Variants in VPS53 observed in about 807,000 individuals in gnomAD.
The protein encoded by VPS53 is vacuolar protein sorting-associated protein 53 homolog.
A neutral mutation model predicts 107.0 loss-of-function variants in VPS53; 70 were observed. The ratio of observed to expected loss-of-function variants is 0.65; its 90% confidence interval spans 0.54 to 0.80. The LOEUF (loss-of-function observed/expected upper bound fraction) is 0.80. VPS53 is among the 30% of genes least tolerant of loss of function. The probability of loss-of-function intolerance (pLI) is 0.00; values close to 1 mark genes in which losing one functional copy is unlikely to be tolerated. For synonymous variants in VPS53, 409 were observed against 393.3 expected (o/e 1.04, Z -0.47); for missense variants, 917 against 1,049.4 (o/e 0.87, Z 1.74).
rs1435685186 is a variant in VPS53, at chr17:582,512, A to G, written c.1313+3758T>C. Among the ~76,000 whole-genome samples, 7 of 148,362 alleles carry G rather than the reference A, an allele frequency of 4.7e-5. 1 individual carries two copies. Among genetic ancestry groups the G allele is most frequent in the African/African-American group, 9.8e-5 (4 of 40,926 alleles). On this transcript the variant is annotated intron_variant, in intron 13 of 21. Coordinates refer to ENST00000437048, the MANE Select transcript of VPS53 (RefSeq NM_001128159.3). ...CCCAGAGAACATCACTCAGGACCCAATGTGTTCCCAGAGAACCTCCACAGA... is the reference window on the plus strand; with the variant it reads ...CCCAGAGAACATCACTCAGGACCCAGTGTGTTCCCAGAGAACCTCCACAGA...
chr17:541,072 A>T (rs896168587), intron 17 of VPS53, among the ~76,000 whole-genome samples: 3 of 152,222 alleles, frequency 2.0e-5, no homozygotes, highest in African/African-American at 7.2e-5. Context: ...AGAGACACAG[A>T]GCATAGACTC....
intron 8 of VPS53, 90 bp downstream of exon 8, chr17:631,460 T>C: frequency 1.5e-6 from 2 of 1,372,856 alleles, no homozygotes; most frequent in South Asian, 1.2e-5. Context: ...CGAGCATGAC[T>C]GGAATGATAA....
At chr17:565,561 A>G (rs1315964640) in intron 13 of VPS53, among the ~76,000 whole-genome samples, 1 of 152,068 alleles carries the variant, frequency 6.6e-6, no homozygotes, top group East Asian at 1.9e-4. Flanking sequence ...TGACCTCGGA[A>G]AGCTTCATGG....
At chr17:544,997 C>G (rs891294028) in intron 17 of VPS53, among the ~76,000 whole-genome samples, 4 of 152,128 alleles carry the variant, frequency 2.6e-5, no homozygotes, top group African/African-American at 7.2e-5. Flanking sequence ...GAGAGGATCA[C>G]TGGAACCCAG....
intron 11 of VPS53, among the ~76,000 whole-genome samples, chr17:605,962 T>C (rs1968554767): frequency 6.6e-6 from 1 of 151,794 alleles, no homozygotes; most frequent in Admixed American, 6.6e-5. Context: ...AATATTCCAC[T>C]GCTGTAGGGG....
At chr17:634,693 G>A (rs1012346626) in intron 7 of VPS53, among the ~76,000 whole-genome samples, 2 of 151,854 alleles carry the variant, frequency 1.3e-5, no homozygotes, top group Non-Finnish European at 2.9e-5. Context: ...ATGGTTTCCA[G>A]CTTCATCTGT....
chr17:631,285 T>G lies in VPS53; in HGVS notation c.687+265A>C, dbSNP rs2002015. Among the ~76,000 whole-genome samples the G allele has an allele frequency of 0.53, 79,887 of 150,722 alleles. 21,844 individuals carry two copies. The highest frequency in any genetic ancestry group is 0.59 in the Non-Finnish European group (40,183 of 67,742). On this transcript the variant is annotated intron_variant, in intron 8 of 21. Transcript: ENST00000437048. ...TGAGAAAAAAGGAATTGACAGGGCA[T>G]ACAAGATAGACGGTTTGAGACCTAC...
At chr17:695,283 T>C (rs1021459838) in intron 4 of VPS53, among the ~76,000 whole-genome samples, 5 of 152,218 alleles carry the variant, frequency 3.3e-5, no homozygotes, top group Non-Finnish European at 7.3e-5. Context: ...TTCAAAATTC[T>C]GATTCCTTGG....
chr17:565,295 C>G (rs957316496), intron 13 of VPS53, among the ~76,000 whole-genome samples: 1 of 148,104 alleles, frequency 6.8e-6, no homozygotes, highest in Admixed American at 6.8e-5. Context: ...CCCAGCTACT[C>G]GGGAGGCTGA....
chr17:627,108 T>C (rs1969744746), intron 10 of VPS53, 66 bp downstream of exon 10: 1 of 1,562,602 alleles, frequency 6.4e-7, no homozygotes, highest in Admixed American at 1.8e-5. Flanking sequence ...ATGGAACCAT[T>C]AGAGACTGGG....
chr17:549,215 T>G (rs917216106), intron 17 of VPS53, among the ~76,000 whole-genome samples: 1 of 152,222 alleles, frequency 6.6e-6, no homozygotes, highest in Non-Finnish European at 1.5e-5. Flanking sequence ...CACAAAAGTT[T>G]TTTTAAATCC....
rs752241629 is a variant in VPS53, at chr17:551,862, A to G, written c.1866+10T>C. The G allele has an allele frequency of 1.1e-5, 18 of 1,588,430 alleles. 1 individual carries two copies. The highest frequency in any genetic ancestry group is 6.8e-5 in the East Asian group (3 of 44,078). On this transcript the variant is annotated intron_variant, in intron 17 of 21. Transcript: ENST00000437048. ...GTTAGTTTGTAGGATGCCATTTCCC[A>G]AGACCTTACCTTGCTCATGGCAGTC...
chr17:617,815 C>T (rs1235098292), intron 11 of VPS53, among the ~76,000 whole-genome samples: 1 of 117,946 alleles, frequency 8.5e-6, no homozygotes, highest in Non-Finnish European at 1.8e-5. Flanking sequence ...CCACGCCCCA[C>T]TAATATTTCC....
intron 19 of VPS53, among the ~76,000 whole-genome samples, chr17:530,496 A>C (rs1243869291): frequency 6.6e-6 from 1 of 152,056 alleles, no homozygotes; most frequent in Non-Finnish European, 1.5e-5. Context: ...ATCCTTTTAG[A>C]TTTATTACTC....
At chr17:593,501 C>T (rs1324416853) in intron 12 of VPS53, among the ~76,000 whole-genome samples, 4 of 152,000 alleles carry the variant, frequency 2.6e-5, no homozygotes, top group South Asian at 2.1e-4. Context: ...GGGCAAAGGA[C>T]ATGAACAGAC....
intron 13 of VPS53, among the ~76,000 whole-genome samples, chr17:566,670 T>C (rs1001542100): frequency 6.6e-6 from 1 of 152,038 alleles, no homozygotes; most frequent in Non-Finnish European, 1.5e-5. Flanking sequence ...GATTCTAATC[T>C]CTAAATTGAT....
chr17:627,275 T>C lies in VPS53; in HGVS notation c.873A>G (p.Ile291Met). 6.2e-7 allele frequency: 1 copy of C among 1,614,080 alleles called. No individual in the cohort carries two copies. Among genetic ancestry groups the C allele is most frequent in the South Asian group, 1.1e-5 (1 of 91,044 alleles). Reference protein sequence around the residue: ...LDKIDRRYAWIKRQLVDYEEK... With the variant: ...LDKIDRRYAWMKRQLVDYEEK... ...CCTCATAGTCCACAAGCTGGCGTTT[T>C]ATCCAGGCATAGCGTCTGTCGATTT... Residue 291 changes from isoleucine (I) to methionine (M), a missense_variant, in exon 10 of 22, where the codon ATA becomes ATG. Transcript: ENST00000437048.
chr17:631,951 C>T (rs563748086), intron 7 of VPS53, among the ~76,000 whole-genome samples: 2 of 152,138 alleles, frequency 1.3e-5, no homozygotes, highest in Non-Finnish European at 2.9e-5. Context: ...ATCACATCCA[C>T]ATCAAATATA....
chr17:536,918 G>C lies in VPS53; in HGVS notation c.2015+110C>G, dbSNP rs934439820. 5 of 1,405,686 alleles carry C rather than the reference G, an allele frequency of 3.6e-6. No homozygotes were observed. In the Admixed American group the frequency reaches 1.1e-4, roughly 30 times the overall value. 87.1% of individuals were successfully genotyped at this position (1,405,686 alleles called of 1,614,324 possible). ...CATGTTGGGGGGGTCAGGTACACGG[G>C]AAATCTCTGTGCTTGCTGCTTAATT... On this transcript the variant is annotated intron_variant, in intron 18 of 21. Transcript: ENST00000437048.
Sources: gnomAD v4.1 joint callset for allele counts (sites outside exome capture counted in the v4.1 genomes callset) on GRCh38, gnomAD v4.1.1 for gene constraint, MANE v1.5 for transcripts, NCBI Gene and HGNC (gene_info 2026-07-23, HGNC 2026-07-21) for gene names.